The following RUNX1T1 variants were observed in gnomAD, a reference collection of about 807,000 sequenced individuals.
RUNX1T1 encodes protein CBFA2T1.
In RUNX1T1, 4 loss-of-function variants were observed where a neutral mutation model predicts 62.8. The observed-to-expected ratio is 0.06, with a 90% CI of 0.03 to 0.15. RUNX1T1 has a LOEUF of 0.15. RUNX1T1 is among the 10% of genes least tolerant of loss of function. The probability of loss-of-function intolerance (pLI) is 1.00; values close to 1 mark genes in which losing one functional copy is unlikely to be tolerated. For missense variants in RUNX1T1, 508 were observed against 754.3 expected, an observed-to-expected ratio of 0.67 and a Z score of 3.82; for synonymous variants, 291 against 286.0, an observed-to-expected ratio of 1.02 and a Z score of -0.18.
At chr8:91,986,126 A>C (rs1271747705) in exon 8 of RUNX1T1, 2 of 1,610,972 alleles carry the variant, frequency 1.2e-6, no homozygotes, top group Admixed American at 1.7e-5. Flanking sequence ...AAAGTTACCT[A>C]GTGCAACTGG....
intron 10 of RUNX1T1, among the ~76,000 whole-genome samples, chr8:91,969,814 TCCATG>T (rs949413585): frequency 6.6e-6 from 1 of 152,218 alleles, no homozygotes; most frequent in African/African-American, 2.4e-5. Flanking sequence ...GATTTATCAG[TCCATG>T]CCATTGTGAG....
In RUNX1T1 at chr8:91,987,119, G is replaced by C. The variant is rs1816737735; in HGVS notation, c.911-147C>G. On this transcript the variant is annotated intron_variant, in intron 6 of 10. Transcript: ENST00000396218. Reference sequence around the variant, plus strand: ...GAGACATGAGTCATATTTAGATTCAGAATTACCTAACAGATTCCTCATAGA... The same window carrying C: ...GAGACATGAGTCATATTTAGATTCACAATTACCTAACAGATTCCTCATAGA... 7 of 632,232 alleles carry C rather than the reference G, an allele frequency of 1.1e-5. No individual in the cohort carries two copies. In the Admixed American group the frequency reaches 1.5e-4, roughly 13 times the overall value. 39.2% of individuals were successfully genotyped at this position (632,232 alleles called of 1,614,324 possible). A position where few individuals can be genotyped will look rare whatever the true frequency, so the allele number is the denominator to read the frequency against.
At chr8:92,102,871 G>A (rs1055993744), upstream of RUNX1T1, 10 of 1,521,746 alleles carry the variant, frequency 6.6e-6, no homozygotes, top group African/African-American at 2.8e-5. This position sits in a 1 kb window ranked among gnomAD's most constrained non-coding sequence, Gnocchi z 4.5. Context: ...CACAGGGCCG[G>A]AGAGTCCCAC....
At chr8:92,002,493 A>G (rs1260970150) in intron 5 of RUNX1T1, among the ~76,000 whole-genome samples, 1 of 152,174 alleles carries the variant, frequency 6.6e-6, no homozygotes, top group African/African-American at 2.4e-5. Flanking sequence ...CCTGAAACAC[A>G]TGATGACTGT....
chr8:92,059,187 G>C (rs1831508819), intron 1 of RUNX1T1, among the ~76,000 whole-genome samples: 1 of 152,108 alleles, frequency 6.6e-6, no homozygotes, highest in African/African-American at 2.4e-5. Context: ...TTCTATAGTT[G>C]GCACAAGGGT....
At chr8:92,000,948 A>G (rs1474148610) in intron 5 of RUNX1T1, among the ~76,000 whole-genome samples, 1 of 152,246 alleles carries the variant, frequency 6.6e-6, no homozygotes, top group Non-Finnish European at 1.5e-5. Flanking sequence ...GAAGATTTCA[A>G]GTATGCAAAT....
intron 2 of RUNX1T1, chr8:92,071,109 T>C (rs1833606314): frequency 6.6e-6 from 1 of 152,228 alleles, no homozygotes; most frequent in Non-Finnish European, 1.5e-5. Context: ...GCAAATATTA[T>C]TTCTCACCAC....
intron 2 of RUNX1T1, among the ~76,000 whole-genome samples, chr8:92,073,413 G>T (rs1363698796): frequency 6.6e-6 from 1 of 152,068 alleles, no homozygotes; most frequent in Non-Finnish European, 1.5e-5. Flanking sequence ...ATCTCCAGGA[G>T]ACCCCAGCCT....
intron 1 of RUNX1T1, among the ~76,000 whole-genome samples, chr8:92,097,891 GA>G (rs1437030102): frequency 6.6e-6 from 1 of 151,886 alleles, no homozygotes; most frequent in African/African-American, 2.4e-5. Context: ...TCAATTAAAA[GA>G]AAAAAACAGC....
chr8:91,977,707 G>GA (rs1273820962), intron 8 of RUNX1T1, among the ~76,000 whole-genome samples: 4 of 151,902 alleles, frequency 2.6e-5, no homozygotes, highest in Non-Finnish European at 5.9e-5. Flanking sequence ...TTTGAAGAAA[G>GA]AAAAAAACGT....
At chr8:92,101,923 G>A (rs1023417820), upstream of RUNX1T1, among the ~76,000 whole-genome samples, 5 of 152,290 alleles carry the variant, frequency 3.3e-5, no homozygotes, top group African/African-American at 1.2e-4. Flanking sequence ...GCCCTGGAGC[G>A]CGTCTCCACT....
downstream of RUNX1T1, chr8:91,957,728 A>G: frequency 4.4e-6 from 1 of 225,774 alleles, no homozygotes; most frequent in Non-Finnish European, 8.8e-6. Context: ...AGGACTGTCC[A>G]GTGTCACAAG....
At chr8:91,977,800 C>CT (rs1563651018) in intron 8 of RUNX1T1, among the ~76,000 whole-genome samples, 1 of 151,026 alleles carries the variant, frequency 6.6e-6, no homozygotes, top group Non-Finnish European at 1.5e-5. Context: ...TTTCTTTTTT[C>CT]TTTTTTTGAG....
intron 5 of RUNX1T1, among the ~76,000 whole-genome samples, chr8:91,992,184 A>G (rs766098668): frequency 6.6e-6 from 1 of 152,196 alleles, no homozygotes; most frequent in Non-Finnish European, 1.5e-5. Flanking sequence ...AGACTCCTGT[A>G]GATAACATTT....
intron 2 of RUNX1T1, among the ~76,000 whole-genome samples, chr8:92,073,167 A>T (rs1375618042): frequency 6.6e-6 from 1 of 151,826 alleles, no homozygotes; most frequent in Admixed American, 6.6e-5. Context: ...CCAGACTACC[A>T]CTCCTAGGTG....
chr8:92,040,636 C>G (rs1172574253), intron 1 of RUNX1T1, among the ~76,000 whole-genome samples: 1 of 152,228 alleles, frequency 6.6e-6, no homozygotes, highest in Non-Finnish European at 1.5e-5. Context: ...ACTGTGCTTT[C>G]AAAGCCCTCC....
At chr8:92,099,003 G>A (rs1487802459) in intron 1 of RUNX1T1, among the ~76,000 whole-genome samples, 4 of 152,164 alleles carry the variant, frequency 2.6e-5, no homozygotes, top group Non-Finnish European at 5.9e-5. Context: ...GAAGTTGGAA[G>A]GTGTCTCTAG....
At chr8:92,094,589 G>A (rs12334866) in intron 1 of RUNX1T1, among the ~76,000 whole-genome samples, 3,920 of 151,992 alleles carry the variant, frequency 0.026, 137 homozygotes, top group African/African-American at 0.079. Flanking sequence ...TTCAAGTACC[G>A]TCAGCATCAA....
At chr8:92,016,484 G>A (rs1823026736) in intron 2 of RUNX1T1, among the ~76,000 whole-genome samples, 1 of 152,168 alleles carries the variant, frequency 6.6e-6, no homozygotes, top group African/African-American at 2.4e-5. Context: ...AGACCAGCCT[G>A]ACCAACATGG....
Sources: gnomAD v4.1 joint callset for allele counts (sites outside exome capture counted in the v4.1 genomes callset) on GRCh38, gnomAD v4.1.1 for gene constraint, Gnocchi (gnomAD v3.1) non-coding constraint, MANE v1.5 for transcripts, NCBI Gene and HGNC (gene_info 2026-07-23, HGNC 2026-07-21) for gene names.